The following PCDHGA6 variants were observed in gnomAD, a reference collection of about 807,000 sequenced individuals.
PCDHGA6 encodes the protein protocadherin gamma-A6.
PCDHGA6 carries 41 observed loss-of-function variants against 60.6 expected under a neutral mutation model. That is an observed-to-expected ratio of 0.68 (90% CI 0.53 to 0.88). PCDHGA6 has a LOEUF of 0.88. PCDHGA6 is among the 40% of genes least tolerant of loss of function. PCDHGA6 has a pLI of 0.00. For synonymous variants in PCDHGA6, 594 were observed against 524.4 expected, an observed-to-expected ratio of 1.13 and a Z score of -1.81; for missense variants, 1,312 against 1,203.0, an observed-to-expected ratio of 1.09 and a Z score of -1.34.
In PCDHGA6 at chr5:141,486,748, T is replaced by C; in HGVS notation, c.2425-8059T>C. ...TTCATGCTACTCGATCCTTTGACTA[T>C]GAGCAAACCCAGACACTGCAGTTTG... is the stretch of plus-strand genomic sequence containing the variant. On this transcript the variant is annotated intron_variant, in intron 1 of 3. Coordinates refer to ENST00000517434, the MANE Select transcript of PCDHGA6 (RefSeq NM_018919.3). The surrounding 1 kb of genome is among the most constrained non-coding windows in gnomAD (Gnocchi z 5.0). 6.2e-7 allele frequency: 1 copy of C among 1,614,230 alleles called. No individual in the cohort carries two copies. The highest frequency in any genetic ancestry group is 8.5e-7 in the Non-Finnish European group (1 of 1,180,042).
chr5:141,486,146 G>T lies in PCDHGA6; in HGVS notation c.2425-8661G>T. Reference sequence around the variant, plus strand: ...TGAATTTGATGTGCGGGCTCGCGATGGGGGTTCTCCAGCCATGGAGCAACA... The same window carrying T: ...TGAATTTGATGTGCGGGCTCGCGATTGGGGTTCTCCAGCCATGGAGCAACA... On this transcript the variant is annotated intron_variant, in intron 1 of 3. Transcript: ENST00000517434. The surrounding 1 kb of genome is among the most constrained non-coding windows in gnomAD (Gnocchi z 5.0). 6.2e-7 allele frequency: 1 copy of T among 1,614,184 alleles called. No homozygotes were observed. The highest frequency in any genetic ancestry group is 8.5e-7 in the Non-Finnish European group (1 of 1,180,032).
chr5:141,403,754 G>A (rs2094451238), intron 1 of PCDHGA6: 1 of 1,613,768 alleles, frequency 6.2e-7, no homozygotes, highest in African/African-American at 1.3e-5. Flanking sequence ...AACAGCCAGC[G>A]ACCTGGATGA....
chr5:141,475,914 A>C (rs2099380300), intron 1 of PCDHGA6: 1 of 592,260 alleles, frequency 1.7e-6, no homozygotes, highest in African/African-American at 1.9e-5. Context: ...GCCAATGAAG[A>C]CGCTGGAGAT....
Position 141,505,463 on chromosome 5 carries a change from A to G in PCDHGA6, c.2554A>G (p.Ile852Val). 1 of 1,614,184 alleles carries G rather than the reference A, an allele frequency of 6.2e-7. No homozygotes were observed. Among genetic ancestry groups the G allele is most frequent in the East Asian group, 2.2e-5 (1 of 44,876 alleles). Residue 852 changes from isoleucine to valine, a missense_variant, in exon 3 of 4, where the codon ATC (isoleucine) becomes GTC (valine). Ile to Val is a conservative substitution (Grantham distance 29). Transcript: ENST00000517434. Reference protein sequence around the residue: ...QFDTEMLQAMILASASEAADG... With the variant: ...QFDTEMLQAMVLASASEAADG... ...TGACACAGAGATGCTGCAAGCCATG[A>G]TCTTGGCGTCCGCCAGTGGTAAGTG...
chr5:141,431,178 TAA>T lies in PCDHGA6; in HGVS notation c.2424+54675_2424+54676del. On this transcript the variant is annotated intron_variant, in intron 1 of 3. Transcript: ENST00000517434. This position sits in a 1 kb window ranked among gnomAD's most constrained non-coding sequence, Gnocchi z 4.8. ...TACTTTCGTGAAAGTGAATTAGAAA[TAA>T]AAATTAGTGAAAATGCAGCCACTGA... is the stretch of plus-strand genomic sequence containing the variant. 1 of 1,614,078 alleles carries T rather than the reference TAA, an allele frequency of 6.2e-7. No homozygotes were observed. Among genetic ancestry groups the T allele is most frequent in the Non-Finnish European group, 8.5e-7 (1 of 1,180,000 alleles).
intron 1 of PCDHGA6, chr5:141,408,465 A>C: frequency 6.2e-7 from 1 of 1,613,960 alleles, no homozygotes. Context: ...CTTGTGAAGA[A>C]CCGAATAGAC....
At chr5:141,465,338 G>C (rs908157154) in intron 1 of PCDHGA6, among the ~76,000 whole-genome samples, 6 of 151,962 alleles carry the variant, frequency 3.9e-5, no homozygotes, top group Admixed American at 2.6e-4. Context: ...TTTTATATTG[G>C]TTACTGAAGA....
chr5:141,478,418 C>A, intron 1 of PCDHGA6: 1 of 1,613,650 alleles, frequency 6.2e-7, no homozygotes, highest in Non-Finnish European at 8.5e-7. Context: ...GGACTCCCGC[C>A]GCAGCGACCC....
chr5:141,390,436 C>A, intron 1 of PCDHGA6: 1 of 949,978 alleles, frequency 1.1e-6, no homozygotes, highest in Non-Finnish European at 1.5e-6. Flanking sequence ...TCATATCATT[C>A]TACAAAGGAG....
At chr5:141,466,201 T>C (rs985163022) in intron 1 of PCDHGA6, among the ~76,000 whole-genome samples, 1 of 152,006 alleles carries the variant, frequency 6.6e-6, no homozygotes, top group African/African-American at 2.4e-5. Context: ...GACACAGCCT[T>C]GCTCTGTTAC....
At position 141,431,828 on chromosome 5, in the gene PCDHGA6, C is replaced by G. The variant is rs750949066; in HGVS notation, c.2424+55321C>G. ...CCTCACCTCTCTCGCCAGCTCGGTTCCCGAAAACTCTCCCAGAGGGACATT... is the reference window on the plus strand; with the variant it reads ...CCTCACCTCTCTCGCCAGCTCGGTTGCCGAAAACTCTCCCAGAGGGACATT... On this transcript the variant is annotated intron_variant, in intron 1 of 3. Coordinates refer to ENST00000517434, the MANE Select transcript of PCDHGA6 (RefSeq NM_018919.3). This position sits in a 1 kb window ranked among gnomAD's most constrained non-coding sequence, Gnocchi z 4.8. The G allele has an allele frequency of 5.6e-6, 9 of 1,610,208 alleles. No homozygotes were observed. Among genetic ancestry groups the G allele is most frequent in the Non-Finnish European group, 1.7e-6 (2 of 1,176,374 alleles).
At chr5:141,383,001 C>T (rs766067848) in intron 1 of PCDHGA6, 1 of 1,613,756 alleles carries the variant, frequency 6.2e-7, no homozygotes, top group South Asian at 1.1e-5. Flanking sequence ...TTCTCTACTC[C>T]GTGTCGGAGG....
chr5:141,420,028 A>C, intron 1 of PCDHGA6: 2 of 1,614,076 alleles, frequency 1.2e-6, no homozygotes, highest in Non-Finnish European at 1.7e-6. Flanking sequence ...GCCCTACTGC[A>C]GGAGACTGCT....
At position 141,423,255 on chromosome 5, in the gene PCDHGA6, C is replaced by T. The variant is rs368969800; in HGVS notation, c.2424+46748C>T. ...GCATCCCCGAAGTCCTGGCGGACCT[C>T]GGCAGCCTCGAGTCTCTGGCTAACT... On this transcript the variant is annotated intron_variant, in intron 1 of 3. Transcript: ENST00000517434. 2.0e-5 allele frequency: 33 copies of T among 1,613,930 alleles called. No homozygotes were observed. In the East Asian group the frequency reaches 3.8e-4, roughly 19 times the overall value.
intron 1 of PCDHGA6, chr5:141,392,745 G>T: frequency 6.9e-7 from 1 of 1,441,296 alleles, no homozygotes; most frequent in Non-Finnish European, 9.1e-7. Flanking sequence ...CCATAGCTGC[G>T]GCAAGAAACT....
intron 1 of PCDHGA6, among the ~76,000 whole-genome samples, chr5:141,483,648 T>TTGTGTGTG (rs111458813): frequency 0.019 from 2,886 of 149,692 alleles, 51 homozygotes; most frequent in African/African-American, 0.054. Flanking sequence ...GGGTGTGTGT[T>TTGTGTGTG]TGTGTGTGTG....
At chr5:141,437,197 G>A (rs535640562) in intron 1 of PCDHGA6, among the ~76,000 whole-genome samples, 69 of 152,330 alleles carry the variant, frequency 4.5e-4, no homozygotes, top group Non-Finnish European at 7.8e-4. Flanking sequence ...GGGTTTGGAT[G>A]TGTTTACATT....
At chr5:141,409,515 T>G (rs1273041163) in intron 1 of PCDHGA6, 1 of 1,613,844 alleles carries the variant, frequency 6.2e-7, no homozygotes, top group Non-Finnish European at 8.5e-7. Context: ...AGTAGAAGCA[T>G]CACCTTGTAT....
intron 1 of PCDHGA6, among the ~76,000 whole-genome samples, chr5:141,400,911 CAAAG>C (rs1162228499): frequency 6.6e-6 from 1 of 152,176 alleles, no homozygotes; most frequent in Non-Finnish European, 1.5e-5. Flanking sequence ...TCTTTTAAAG[CAAAG>C]AAACTGCTAG....
Sources: allele counts gnomAD v4.1 joint callset (sites outside exome capture counted in the v4.1 genomes callset), GRCh38; gene constraint gnomAD v4.1.1; non-coding constraint Gnocchi (gnomAD v3.1); transcripts MANE v1.5; gene names NCBI Gene and HGNC (gene_info 2026-07-23, HGNC 2026-07-21).